LRP5: variants seen among roughly 807,000 people sequenced by gnomAD.
The protein encoded by LRP5 is LDL receptor related protein 5, also known as low-density lipoprotein receptor-related protein 5.
A neutral mutation model predicts 154.1 loss-of-function variants in LRP5; 62 were observed. That is an observed-to-expected ratio of 0.40 (90% confidence interval 0.33 to 0.50). LRP5 has a LOEUF of 0.50. LRP5 is among the 20% of genes least tolerant of loss of function. The pLI is 0.55. For missense variants in LRP5, 1,915 were observed against 2,336.7 expected, an observed-to-expected ratio of 0.82 and a Z score of 3.72; for synonymous variants, 966 against 1,011.5, an observed-to-expected ratio of 0.96 and a Z score of 0.85.
At chr11:68,350,227 G>A (rs1201547653) in intron 2 of LRP5, among the ~76,000 whole-genome samples, 2 of 152,236 alleles carry the variant, frequency 1.3e-5, no homozygotes, top group African/African-American at 2.4e-5. Context: ...AGTAGACACA[G>A]GGTTTCGCCA....
At chr11:68,443,566 TATATATATATATATATATA>T (rs1452227409) in intron 21 of LRP5, among the ~76,000 whole-genome samples, 22 of 41,048 alleles carry the variant, frequency 5.4e-4, no homozygotes, top group African/African-American at 2.4e-3. Flanking sequence ...TATATATATA[TATATATATATATATATATA>T]TTTTTTTTTT....
Position 68,386,728 on chromosome 11 carries a change from G to GCTGGGGC in LRP5, c.1412+21_1412+27dup, listed in dbSNP as rs752920944. ...CCGTGATGGGGTAAGACGGGCGGGGGCTGGGGCCTGGAGCCAGGGCCAGGC... is the reference window on the plus strand; with the variant it reads ...CCGTGATGGGGTAAGACGGGCGGGGGCTGGGGCCTGGGGCCTGGAGCCAGGGCCAGGC... On this transcript the variant is annotated intron_variant, in intron 6 of 22. Transcript: ENST00000294304. The surrounding 1 kb of genome is among the most constrained non-coding windows in gnomAD (Gnocchi z 7.9). 210 of 1,608,296 alleles carry GCTGGGGC rather than the reference G, an allele frequency of 1.3e-4. No homozygotes were observed. Among genetic ancestry groups the GCTGGGGC allele is most frequent in the Non-Finnish European group, 1.7e-4 (205 of 1,177,562 alleles).
At chr11:68,380,773 G>A (rs1290762991) in intron 5 of LRP5, among the ~76,000 whole-genome samples, 1 of 152,216 alleles carries the variant, frequency 6.6e-6, no homozygotes, top group Non-Finnish European at 1.5e-5. Flanking sequence ...CAGCCCCGGC[G>A]ACAGGTTTGG....
chr11:68,314,474 G>A (rs2098591473), intron 1 of LRP5, among the ~76,000 whole-genome samples: 1 of 152,226 alleles, frequency 6.6e-6, no homozygotes, highest in Non-Finnish European at 1.5e-5. Flanking sequence ...GAACGGTTTT[G>A]ATGTTATATC....
At chr11:68,340,600 C>T (rs1400070229) in intron 1 of LRP5, among the ~76,000 whole-genome samples, 2 of 152,142 alleles carry the variant, frequency 1.3e-5, no homozygotes, top group African/African-American at 2.4e-5. Flanking sequence ...GAGTGATTGT[C>T]ATGGGCCAGG....
chr11:68,323,711 C>T (rs575594528), intron 1 of LRP5, among the ~76,000 whole-genome samples: 5 of 152,226 alleles, frequency 3.3e-5, no homozygotes, highest in South Asian at 2.1e-4. Flanking sequence ...TGAGCCACCG[C>T]GCCTGGCTAC....
intron 4 of LRP5, among the ~76,000 whole-genome samples, chr11:68,364,358 A>ATG (rs113821152): frequency 0.026 from 3,774 of 145,484 alleles, 86 homozygotes; most frequent in African/African-American, 0.064. Flanking sequence ...ATACATATAT[A>ATG]TGTGTGTGTG....
In LRP5 at chr11:68,433,889, G is replaced by C. The variant is rs370759725; in HGVS notation, c.4000+51G>C. 1,774 of 1,560,164 alleles carry C rather than the reference G, an allele frequency of 1.1e-3. 2 individuals carry two copies. Among genetic ancestry groups the C allele is most frequent in the Non-Finnish European group, 1.3e-3 (1,496 of 1,142,990 alleles). On this transcript the variant is annotated intron_variant, in intron 18 of 22. Coordinates refer to ENST00000294304, the MANE Select transcript of LRP5 (RefSeq NM_002335.4). The stretch of plus-strand genomic sequence containing the variant: ...GCCAAGACCCTGGCCCTGCCCTCCG[G>C]GATACGAGCTTGGGGCTGCCTCCGG...
At chr11:68,318,784 A>G (rs1476667679) in intron 1 of LRP5, among the ~76,000 whole-genome samples, 1 of 152,170 alleles carries the variant, frequency 6.6e-6, no homozygotes, top group East Asian at 1.9e-4. Context: ...GGGGCGGCAC[A>G]GGCTCCACTC....
chr11:68,394,806 C>T (rs745368096), intron 7 of LRP5, among the ~76,000 whole-genome samples: 6 of 152,156 alleles, frequency 3.9e-5, no homozygotes, highest in Non-Finnish European at 8.8e-5. Flanking sequence ...CCTCAAAGCC[C>T]TATACACAGT....
At chr11:68,310,859 T>C (rs1038124376), upstream of LRP5, among the ~76,000 whole-genome samples, 1 of 151,142 alleles carries the variant, frequency 6.6e-6, no homozygotes, top group Non-Finnish European at 1.5e-5. Flanking sequence ...GACACCACTG[T>C]GGCTGGAGCA....
intron 5 of LRP5, among the ~76,000 whole-genome samples, chr11:68,375,011 C>G (rs746398233): frequency 5.9e-5 from 9 of 152,252 alleles, no homozygotes; most frequent in Non-Finnish European, 1.0e-4. Context: ...ATAAGCCCAG[C>G]TCCATGCGGA....
rs1565094961 is a variant in LRP5 at position 68,416,504 on chromosome 11, C to T, written c.3004C>T (p.Arg1002Ter). Residue 1002 changes from arginine to a stop codon, truncating the protein, a stop_gained, in exon 13 of 23, where the codon CGA becomes TGA. Transcript: ENST00000294304. LOFTEE classifies it high-confidence loss of function. ...GGTGGATGGGCGCCAGAACATCAAG[C>T]GAGCCAAGGACGACGGGACCCAGGC... is the stretch of plus-strand genomic sequence containing the variant. ...YWVDGRQNIK[R>*]AKDDGTQPFV... 2 of 1,614,130 alleles carry T rather than the reference C, an allele frequency of 1.2e-6. No homozygotes were observed. The highest frequency in any genetic ancestry group is 1.7e-6 in the Non-Finnish European group (2 of 1,180,044).
At chr11:68,336,806 A>T (rs1331627131) in intron 1 of LRP5, among the ~76,000 whole-genome samples, 1 of 152,192 alleles carries the variant, frequency 6.6e-6, no homozygotes, top group Admixed American at 6.5e-5. Context: ...AAATACATAT[A>T]ACACTTATCG....
intron 1 of LRP5, among the ~76,000 whole-genome samples, chr11:68,326,095 T>C (rs1235836639): frequency 2.0e-5 from 3 of 152,170 alleles, no homozygotes; most frequent in African/African-American, 7.2e-5. Context: ...CGGTACCGAG[T>C]GTGCGTCCTT....
At chr11:68,431,279 G>A (rs550568568) in intron 17 of LRP5, among the ~76,000 whole-genome samples, 52 of 121,848 alleles carry the variant, frequency 4.3e-4, no homozygotes, top group East Asian at 2.6e-3. Context: ...CGCTTTTTTC[G>A]CGCAGGCTGA....
chr11:68,376,171 C>CTTTTTTT (rs60401481), intron 5 of LRP5, among the ~76,000 whole-genome samples: 2 of 92,832 alleles, frequency 2.2e-5, no homozygotes, highest in African/African-American at 4.1e-5. Context: ...GGCCCTGCTT[C>CTTTTTTT]TTTTTTTTTT....
chr11:68,334,597 A>G (rs1227447595), intron 1 of LRP5, among the ~76,000 whole-genome samples: 4 of 152,180 alleles, frequency 2.6e-5, no homozygotes, highest in Non-Finnish European at 4.4e-5. Flanking sequence ...TATGTAGGCT[A>G]GGCACGGCAG....
rs753583068 is a variant in LRP5, at chr11:68,426,041, G to A, written c.3491G>A (p.Gly1164Asp). Residue 1164 changes from glycine to aspartate, a missense_variant, in exon 16 of 23, where the codon GGC becomes GAC. By Grantham distance (94) the Gly-to-Asp change is moderately conservative. This residue lies in a region of LRP5 where 1,094 missense variants were observed against 1,210.1 expected (regional missense o/e 0.90). Coordinates refer to ENST00000294304, the MANE Select transcript of LRP5 (RefSeq NM_002335.4). Reference protein sequence around the residue: ...IVQPLGLTILGKHLYWIDRQQ... With the variant: ...IVQPLGLTILDKHLYWIDRQQ... The stretch of plus-strand genomic sequence containing the variant: ...CAGCCTCTGGGCCTGACCATCCTTG[G>A]CAAGCATCTCTACTGGATCGACCGC... 15 of 1,613,590 alleles carry A rather than the reference G, an allele frequency of 9.3e-6. No individual in the cohort carries two copies. Among genetic ancestry groups the A allele is most frequent in the Non-Finnish European group, 1.3e-5 (15 of 1,180,032 alleles).
Sources: gnomAD v4.1 joint callset for allele counts (sites outside exome capture counted in the v4.1 genomes callset) on GRCh38, gnomAD v4.1.1 for gene constraint, gnomAD v4.1.1 regional missense constraint, Gnocchi (gnomAD v3.1) non-coding constraint, MANE v1.5 for transcripts, NCBI Gene and HGNC (gene_info 2026-07-23, HGNC 2026-07-21) for gene names.